LRP5: variants seen among roughly 807,000 people sequenced by gnomAD.
The protein encoded by LRP5 is low-density lipoprotein receptor-related protein 5.
In LRP5, 62 loss-of-function variants were observed where a neutral mutation model predicts 154.1. That is an observed-to-expected ratio of 0.40 (90% CI 0.33 to 0.50). The LOEUF is 0.50. LRP5 is among the 20% of genes least tolerant of loss of function. LRP5 has a pLI of 0.55. For missense variants in LRP5, 1,915 were observed against 2,336.7 expected (o/e 0.82, Z 3.72); for synonymous variants, 966 against 1,011.5 (o/e 0.96, Z 0.85).
chr11:68,393,907 A>G (rs2098647780), intron 7 of LRP5, among the ~76,000 whole-genome samples: 1 of 152,182 alleles, frequency 6.6e-6, no homozygotes, highest in African/African-American at 2.4e-5. Context: ...GTCTTGTCCC[A>G]GGCTTGCCAC....
chr11:68,299,037 T>A, the LRP5 span, among the ~76,000 whole-genome samples: 9 of 152,170 alleles, frequency 5.9e-5, no homozygotes, highest in Non-Finnish European at 1.0e-4. Context: ...GTCCCGATCT[T>A]GCCCCTACAG....
chr11:68,423,526 C>T lies in LRP5; in HGVS notation c.3065C>T (p.Pro1022Leu). Residue 1022 changes from proline (P) to leucine (L), a missense_variant, in exon 14 of 23, where the codon CCA becomes CTA. Around this residue, in one of 3 missense-constraint regions of LRP5, gnomAD observed 1,094 missense variants for 1,210.1 expected, o/e 0.90. Transcript: ENST00000294304. This position sits in a 1 kb window ranked among gnomAD's most constrained non-coding sequence, Gnocchi z 4.7. ...VLTSLSQGQN[P>L]DRQPHDLSID... ...ACCTCTCTGAGCCAAGGCCAAAACC[C>T]AGACAGGCAGCCCCACGACCTCAGC... 1 of 1,614,206 alleles carries T rather than the reference C, an allele frequency of 6.2e-7. No individual in the cohort carries two copies. The highest frequency in any genetic ancestry group is 8.5e-7 in the Non-Finnish European group (1 of 1,180,026).
intron 10 of LRP5, among the ~76,000 whole-genome samples, 180 bp downstream of exon 10, chr11:68,410,320 C>T (rs925968455): frequency 6.6e-6 from 1 of 152,136 alleles, no homozygotes; most frequent in Non-Finnish European, 1.5e-5. Context: ...GGAGTTCCTT[C>T]GTGGAGCGGG....
chr11:68,410,419 T>C (rs2098658810), intron 10 of LRP5, among the ~76,000 whole-genome samples: 1 of 152,152 alleles, frequency 6.6e-6, no homozygotes, highest in South Asian at 2.1e-4. Flanking sequence ...GGTGGGTATC[T>C]GTGTCGATTT....
At chr11:68,345,476 G>A (rs1431140905) in intron 1 of LRP5, among the ~76,000 whole-genome samples, 3 of 148,068 alleles carry the variant, frequency 2.0e-5, no homozygotes, top group East Asian at 2.1e-4. Context: ...TAGTAGAGAC[G>A]GGGTTTCACC....
intron 9 of LRP5, among the ~76,000 whole-genome samples, chr11:68,409,095 T>TATATATATATATATATATATATATATAC (rs1311618305): frequency 1.1e-4 from 3 of 27,746 alleles, no homozygotes; most frequent in African/African-American, 9.4e-5. Context: ...TATATATATA[T>TATATATATATATATATATATATATATAC]ACACACACAT....
At chr11:68,316,424 A>G (rs2098593448) in intron 1 of LRP5, among the ~76,000 whole-genome samples, 1 of 152,040 alleles carries the variant, frequency 6.6e-6, no homozygotes, top group Non-Finnish European at 1.5e-5. Context: ...GGTGCCCGCC[A>G]CCACGCCCAG....
Position 68,439,990 on chromosome 11 carries a change from G to A in LRP5, c.4488+74G>A, listed in dbSNP as rs184631555. The A allele has an allele frequency of 6.4e-4, 889 of 1,388,972 alleles. 6 individuals carry two copies. The East Asian group carries it at 0.017, about 27-fold the overall frequency. 86.0% of individuals were successfully genotyped at this position (1,388,972 alleles called of 1,614,324 possible). On this transcript the variant is annotated intron_variant, in intron 21 of 22. Transcript: ENST00000294304. ...CCTCCCACCGTCAGTGCTGGCCACCGGAGGCTTCCCGGGTTCCTGGGGGCT... is the reference window on the plus strand; with the variant it reads ...CCTCCCACCGTCAGTGCTGGCCACCAGAGGCTTCCCGGGTTCCTGGGGGCT...
At chr11:68,427,595 A>G (rs1489380390) in intron 16 of LRP5, among the ~76,000 whole-genome samples, 1 of 151,970 alleles carries the variant, frequency 6.6e-6, no homozygotes, top group Non-Finnish European at 1.5e-5. Context: ...TGGGAGAATT[A>G]CTTGAACCTG....
chr11:68,351,692 G>A (rs2098618720), intron 2 of LRP5, among the ~76,000 whole-genome samples: 1 of 152,218 alleles, frequency 6.6e-6, no homozygotes, highest in Admixed American at 6.5e-5. Flanking sequence ...CACGCAGCGG[G>A]TATAGCCCAG....
intron 2 of LRP5, among the ~76,000 whole-genome samples, chr11:68,356,817 G>A (rs11607979): frequency 0.051 from 7,774 of 152,152 alleles, 467 homozygotes; most frequent in Admixed American, 0.2. Flanking sequence ...CTGTCTCTGT[G>A]TATTTGCTTT....
chr11:68,409,200 TTTATA>T (rs1472009389), intron 9 of LRP5, among the ~76,000 whole-genome samples: 4 of 109,102 alleles, frequency 3.7e-5, no homozygotes, highest in African/African-American at 1.3e-4. Flanking sequence ...ATAAATTATA[TTTATA>T]AGTAAATATA....
intron 5 of LRP5, among the ~76,000 whole-genome samples, chr11:68,378,879 C>T (rs2098638846): frequency 6.6e-6 from 1 of 151,928 alleles, no homozygotes; most frequent in Non-Finnish European, 1.5e-5. Context: ...GAAACTCCAT[C>T]TCTACTAAAA....
intron 3 of LRP5, among the ~76,000 whole-genome samples, chr11:68,363,406 C>A (rs1174465512): frequency 6.6e-6 from 1 of 152,168 alleles, no homozygotes; most frequent in Non-Finnish European, 1.5e-5. Context: ...CCTGTAATCC[C>A]AGCGCTTTGA....
intron 20 of LRP5, among the ~76,000 whole-genome samples, chr11:68,438,894 C>G (rs1165049757): frequency 1.3e-5 from 2 of 152,250 alleles, no homozygotes; most frequent in African/African-American, 4.8e-5. Context: ...GCAACCCACC[C>G]TTTGGCACTG....
intron 7 of LRP5, among the ~76,000 whole-genome samples, chr11:68,397,207 G>T (rs1166629678): frequency 1.3e-5 from 2 of 152,148 alleles, no homozygotes; most frequent in Non-Finnish European, 2.9e-5. Flanking sequence ...GGAAGGCCTG[G>T]CTGGGAGCGT....
At position 68,365,134 on chromosome 11, in the gene LRP5, G is replaced by C. The variant is rs536671316; in HGVS notation, c.884-437G>C. Among the ~76,000 whole-genome samples, 4 of 152,260 alleles carry C rather than the reference G, an allele frequency of 2.6e-5. No homozygotes were observed. In the East Asian group the frequency reaches 7.7e-4, roughly 29 times the overall value. Reference sequence around the variant, plus strand: ...GGAGCCCATTGTCTCTGGGGTTCCCGTCACTACCACACAGGCAGGTCCTGA... The same window carrying C: ...GGAGCCCATTGTCTCTGGGGTTCCCCTCACTACCACACAGGCAGGTCCTGA... On this transcript the variant is annotated intron_variant, in intron 4 of 22. Coordinates refer to ENST00000294304, the MANE Select transcript of LRP5 (RefSeq NM_002335.4).
chr11:68,320,367 G>T (rs1224599353), intron 1 of LRP5, among the ~76,000 whole-genome samples: 1 of 151,422 alleles, frequency 6.6e-6, no homozygotes, highest in Non-Finnish European at 1.5e-5. Context: ...CTCATTTCTG[G>T]TTTATTGGTA....
rs1197133957 is a variant in LRP5, at chr11:68,313,497, G to T, written c.91+692G>T. Among the ~76,000 whole-genome samples, 25 of 152,264 alleles carry T rather than the reference G, an allele frequency of 1.6e-4. No homozygotes were observed. In the East Asian group the frequency reaches 4.8e-3, roughly 30 times the overall value. ...GGGGAGGCAGGCTTGTGCCTCAGTT[G>T]TACACTCCCGTGGGGAGAGGTAGGG... On this transcript the variant is annotated intron_variant, in intron 1 of 22. Transcript: ENST00000294304.
Sources: gnomAD v4.1 joint callset for allele counts (sites outside exome capture counted in the v4.1 genomes callset) on GRCh38, gnomAD v4.1.1 for gene constraint, gnomAD v4.1.1 regional missense constraint, Gnocchi (gnomAD v3.1) non-coding constraint, MANE v1.5 for transcripts, NCBI Gene and HGNC (gene_info 2026-07-23, HGNC 2026-07-21) for gene names.